IQCM: variants seen among roughly 807,000 people sequenced by gnomAD.
The protein encoded by IQCM is IQ domain-containing protein M.
In IQCM, 45 loss-of-function variants were observed where a neutral mutation model predicts 57.6. The ratio of observed to expected loss-of-function variants is 0.78; its 90% CI spans 0.62 to 1.00. IQCM has a LOEUF of 1.00. IQCM is among the 50% of genes least tolerant of loss of function. The pLI, the probability that IQCM is intolerant of heterozygous loss-of-function variation, is 0.00. For missense variants in IQCM, 468 were observed against 511.6 expected, an observed-to-expected ratio of 0.91 and a Z score of 0.82; for synonymous variants, 148 against 158.9, an observed-to-expected ratio of 0.93 and a Z score of 0.51.
At chr4:149,518,436 CTG>C (rs1745221398) in intron 12 of IQCM, among the ~76,000 whole-genome samples, 1 of 152,044 alleles carries the variant, frequency 6.6e-6, no homozygotes, top group Non-Finnish European at 1.5e-5. Context: ...TGTAGGAATC[CTG>C]TAGTATAATA....
Position 149,443,527 on chromosome 4 carries a change from C to T in IQCM, c.1229-9970G>A, listed in dbSNP as rs564137935. On this transcript the variant is annotated intron_variant, in intron 12 of 13. Transcript: ENST00000636793. ...TTATATGAAGCCAAGTATAAAGACA[C>T]CAAAAAACATTCTCAGAAAATATAG... Among the ~76,000 whole-genome samples, 74 of 151,714 alleles carry T rather than the reference C, an allele frequency of 4.9e-4. 1 individual carries two copies. In the South Asian group the frequency reaches 0.015, roughly 32 times the overall value.
At chr4:149,744,876 C>T (rs1342301275) in intron 2 of IQCM, among the ~76,000 whole-genome samples, 1 of 152,010 alleles carries the variant, frequency 6.6e-6, no homozygotes, top group Non-Finnish European at 1.5e-5. Context: ...AAGATGCAAA[C>T]AACATGCAAA....
intron 12 of IQCM, among the ~76,000 whole-genome samples, chr4:149,463,370 G>C (rs943102023): frequency 6.6e-6 from 1 of 152,204 alleles, no homozygotes; most frequent in South Asian, 2.1e-4. Flanking sequence ...TAGCAATCAA[G>C]GGGTTGTGAT....
At chr4:149,506,440 T>C (rs763455427) in intron 12 of IQCM, among the ~76,000 whole-genome samples, 1 of 152,170 alleles carries the variant, frequency 6.6e-6, no homozygotes, top group African/African-American at 2.4e-5. Flanking sequence ...TACATTTCCA[T>C]AGATGTGGGG....
chr4:149,414,511 G>C (rs1733607767), intron 13 of IQCM, among the ~76,000 whole-genome samples: 1 of 152,078 alleles, frequency 6.6e-6, no homozygotes, highest in African/African-American at 2.4e-5. Flanking sequence ...AGAGTGCACA[G>C]AGCCATATAT....
intron 2 of IQCM, among the ~76,000 whole-genome samples, chr4:149,773,078 G>A (rs1418728578): frequency 6.6e-6 from 1 of 152,202 alleles, no homozygotes. Flanking sequence ...TCGGCCGGGC[G>A]TGGTGGCTCA....
At chr4:149,736,218 G>T (rs914198545) in intron 3 of IQCM, among the ~76,000 whole-genome samples, 1 of 152,032 alleles carries the variant, frequency 6.6e-6, no homozygotes, top group African/African-American at 2.4e-5. Context: ...AAAGTGCTGG[G>T]ATTACAGGTG....
chr4:149,784,265 C>T (rs1771877035), intron 2 of IQCM, among the ~76,000 whole-genome samples: 1 of 152,156 alleles, frequency 6.6e-6, no homozygotes, highest in Admixed American at 6.5e-5. Flanking sequence ...GCTACAATGG[C>T]CTTTATGTTG....
intron 12 of IQCM, among the ~76,000 whole-genome samples, chr4:149,439,775 C>T (rs1354724812): frequency 6.6e-6 from 1 of 152,076 alleles, no homozygotes; most frequent in Non-Finnish European, 1.5e-5. Context: ...ACCTTAGTTA[C>T]ATTTGTGAGA....
At chr4:149,655,656 A>G (rs1479952298) in intron 7 of IQCM, among the ~76,000 whole-genome samples, 2 of 152,170 alleles carry the variant, frequency 1.3e-5, no homozygotes, top group African/African-American at 4.8e-5. Flanking sequence ...TGTAAGAGAC[A>G]GTAACTATAT....
intron 7 of IQCM, among the ~76,000 whole-genome samples, chr4:149,648,320 T>C (rs1231906237): frequency 1.3e-5 from 2 of 152,160 alleles, no homozygotes; most frequent in Non-Finnish European, 2.9e-5. Flanking sequence ...TTTGTGGTAG[T>C]TTGCTGAGAA....
At chr4:149,561,633 G>A (rs1750129933) in intron 10 of IQCM, among the ~76,000 whole-genome samples, 1 of 151,974 alleles carries the variant, frequency 6.6e-6, no homozygotes, top group Non-Finnish European at 1.5e-5. Context: ...AATCTATCTA[G>A]CCAAACTGAA....
chr4:149,735,945 G>A (rs575763964), intron 3 of IQCM, among the ~76,000 whole-genome samples: 1 of 149,088 alleles, frequency 6.7e-6, no homozygotes, highest in Admixed American at 6.7e-5. Context: ...AATTTCTTTC[G>A]ACTTTTTTTT....
intron 5 of IQCM, among the ~76,000 whole-genome samples, chr4:149,732,607 T>C (rs1398265293): frequency 2.6e-5 from 4 of 152,028 alleles, no homozygotes; most frequent in Non-Finnish European, 4.4e-5. Flanking sequence ...ATAGGAAAAA[T>C]ACAAATGAGT....
chr4:149,473,537 C>T (rs539505261), intron 12 of IQCM, among the ~76,000 whole-genome samples: 11 of 152,278 alleles, frequency 7.2e-5, no homozygotes, highest in African/African-American at 2.2e-4. Flanking sequence ...GGACTGTAAA[C>T]TAATTCAACC....
At chr4:149,613,234 A>G (rs1755464014) in intron 8 of IQCM, among the ~76,000 whole-genome samples, 1 of 152,064 alleles carries the variant, frequency 6.6e-6, no homozygotes, top group African/African-American at 2.4e-5. Context: ...CAAAGAGAAG[A>G]AAATATGATG....
At chr4:149,643,287 T>C (rs537500104) in intron 7 of IQCM, among the ~76,000 whole-genome samples, 1 of 152,296 alleles carries the variant, frequency 6.6e-6, no homozygotes, top group Admixed American at 6.5e-5. Flanking sequence ...GTGTTGACAA[T>C]GCAAGATGAA....
chr4:149,545,724 G>C (rs967946675), intron 12 of IQCM, among the ~76,000 whole-genome samples: 1 of 151,856 alleles, frequency 6.6e-6, no homozygotes. Context: ...TTGTTAAAGA[G>C]ATAGCTGTAC....
intron 8 of IQCM, among the ~76,000 whole-genome samples, chr4:149,618,992 T>C (rs1438031170): frequency 1.3e-5 from 2 of 151,792 alleles, no homozygotes. Flanking sequence ...CCCAAACAAA[T>C]AGAAATCATT....
Sources: allele counts gnomAD v4.1 joint callset (sites outside exome capture counted in the v4.1 genomes callset), GRCh38; gene constraint gnomAD v4.1.1; transcripts MANE v1.5; gene names NCBI Gene and HGNC (gene_info 2026-07-23, HGNC 2026-07-21).